UBR3: variants seen among roughly 807,000 people sequenced by gnomAD.
UBR3 encodes ubiquitin protein ligase E3 component n-recognin 3.
In UBR3, 85 loss-of-function variants were observed where a neutral mutation model predicts 243.2. That is an observed-to-expected ratio of 0.35 (90% CI 0.29 to 0.42). The LOEUF (loss-of-function observed/expected upper bound fraction) is 0.42, where lower values mean the gene tolerates loss of function less well. UBR3 is among the 10% of genes least tolerant of loss of function. UBR3 has a pLI of 1.00. For synonymous variants in UBR3, 748 were observed against 799.8 expected (o/e 0.94, Z 1.09); for missense variants, 1,686 against 2,300.8 (o/e 0.73, Z 5.47).
chr2:169,846,474 G>A (rs1333651241), intron 1 of UBR3, among the ~76,000 whole-genome samples: 1 of 152,110 alleles, frequency 6.6e-6, no homozygotes, highest in Non-Finnish European at 1.5e-5. Flanking sequence ...CACTTTGGGA[G>A]GCCAAGGTGG....
At chr2:169,944,683 CTT>C (rs60784053) in intron 20 of UBR3, among the ~76,000 whole-genome samples, 2 of 144,532 alleles carry the variant, frequency 1.4e-5, no homozygotes. Flanking sequence ...ATTTTTATTT[CTT>C]TTTTTTTTTT....
chr2:170,050,264 T>A (rs1232623898), intron 32 of UBR3, among the ~76,000 whole-genome samples: 1 of 151,976 alleles, frequency 6.6e-6, no homozygotes, highest in Non-Finnish European at 1.5e-5. Context: ...TTGGAGAGGG[T>A]CAGAGCACAT....
At position 170,019,378 on chromosome 2, in the gene UBR3, G is replaced by A. The variant is rs1025004535; in HGVS notation, c.4453+4012G>A. ...TACTTGCTCAAAGAGTGAATTTTTGGTGAATTTAAAATTACAGAAAATTAG... is the reference window on the plus strand; with the variant it reads ...TACTTGCTCAAAGAGTGAATTTTTGATGAATTTAAAATTACAGAAAATTAG... On this transcript the variant is annotated intron_variant, in intron 30 of 38. Coordinates refer to ENST00000272793, the MANE Select transcript of UBR3 (RefSeq NM_172070.4). Among the ~76,000 whole-genome samples the A allele has an allele frequency of 1.6e-4, 25 of 152,134 alleles. 1 individual carries two copies. The highest frequency in any genetic ancestry group is 1.6e-3 in the Admixed American group (25 of 15,270).
intron 27 of UBR3, 83 bp downstream of exon 27, chr2:170,001,497 CA>C: frequency 1.3e-6 from 1 of 776,192 alleles, no homozygotes; most frequent in Non-Finnish European, 2.2e-6. Context: ...ATCCCAATTC[CA>C]GCTCATCTTT....
Position 169,950,033 on chromosome 2 carries a change from A to C in UBR3, c.3513A>C (p.Ala1171=). 6.3e-7 allele frequency: 1 copy of C among 1,576,288 alleles called. No individual in the cohort carries two copies. Among genetic ancestry groups the C allele is most frequent in the South Asian group, 1.2e-5 (1 of 84,988 alleles). The change falls in exon 23 of 39, where the codon GCA becomes GCC. Residue 1171 remains alanine, a synonymous_variant. Transcript: ENST00000272793. ...CTGTACCACCTAAAAAAGTCACTGC[A>C]GCAGAGAAGAAAACATTGGACAAAG... The part of the protein sequence containing the change: ...TPPVPPKKVT[A]AEKKTLDKEE...
chr2:169,913,766 T>TGGG (rs141610119), intron 10 of UBR3, among the ~76,000 whole-genome samples: 27 of 151,480 alleles, frequency 1.8e-4, no homozygotes, highest in African/African-American at 6.5e-4. Flanking sequence ...TATAATAAAT[T>TGGG]GGGGGGGGTG....
At chr2:169,850,425 C>G (rs189965413) in intron 1 of UBR3, among the ~76,000 whole-genome samples, 1 of 152,144 alleles carries the variant, frequency 6.6e-6, no homozygotes, top group Admixed American at 6.5e-5. Context: ...GGGATCCTCC[C>G]GTCTCCTCCT....
At chr2:170,070,246 GA>G (rs1185719267) in intron 35 of UBR3, among the ~76,000 whole-genome samples, 21 of 152,218 alleles carry the variant, frequency 1.4e-4, no homozygotes, top group African/African-American at 3.4e-4. Flanking sequence ...AAATGGGGGG[GA>G]AACCATATGA....
At chr2:169,842,450 C>T (rs1282476106) in intron 1 of UBR3, among the ~76,000 whole-genome samples, 5 of 151,976 alleles carry the variant, frequency 3.3e-5, no homozygotes, top group Non-Finnish European at 5.9e-5. Context: ...ATTGGCAACC[C>T]TCTCGGGTCC....
Position 169,827,739 on chromosome 2 carries a change from G to A in UBR3, c.232G>A (p.Gly78Arg), listed in dbSNP as rs1254908590. ...AAGGEDAAAA[G>R]GGGGPGAAEE... ...CGGCGGCGAGGACGCGGCGGCGGCC[G>A]GAGGCGGGGGCGGTCCGGGGGCGGC... The change falls in exon 1 of 39, where the codon GGA (glycine) becomes AGA (arginine). Residue 78 changes from glycine (G) to arginine (R), a missense_variant. Transcript: ENST00000272793. 3.2e-6 allele frequency: 4 copies of A among 1,239,748 alleles called. No individual in the cohort carries two copies. In the African/African-American group the frequency reaches 4.7e-5, roughly 15 times the overall value. 76.8% of individuals were successfully genotyped at this position (1,239,748 alleles called of 1,614,324 possible). A position where few individuals can be genotyped will look rare whatever the true frequency, so the allele number is the denominator to read the frequency against.
At chr2:170,001,927 AAAAAAAAAAAAAAAAG>A (rs2089720352) in intron 27 of UBR3, among the ~76,000 whole-genome samples, 1 of 148,644 alleles carries the variant, frequency 6.7e-6, no homozygotes, top group Non-Finnish European at 1.5e-5. Context: ...AAAAAAAAAA[AAAAAAAAAAAAAAAAG>A]AAAGAAAAAT....
chr2:169,892,174 A>T (rs1412271762), intron 6 of UBR3, among the ~76,000 whole-genome samples: 1 of 152,158 alleles, frequency 6.6e-6, no homozygotes, highest in Non-Finnish European at 1.5e-5. Context: ...AGGAAAGGGT[A>T]TGGAATTTGA....
intron 2 of UBR3, among the ~76,000 whole-genome samples, chr2:169,873,933 A>G (rs552770577): frequency 3.9e-5 from 6 of 152,298 alleles, no homozygotes; most frequent in African/African-American, 1.4e-4. Context: ...CATTAGTTTA[A>G]TGAAAGAGTA....
At chr2:169,848,245 C>T (rs540160091) in intron 1 of UBR3, among the ~76,000 whole-genome samples, 13 of 150,866 alleles carry the variant, frequency 8.6e-5, no homozygotes, top group African/African-American at 2.2e-4. Context: ...GTTAACCCAA[C>T]GACCTGGTTA....
intron 1 of UBR3, among the ~76,000 whole-genome samples, chr2:169,868,305 T>C (rs984546435): frequency 2.0e-5 from 3 of 152,224 alleles, no homozygotes; most frequent in Non-Finnish European, 4.4e-5. Flanking sequence ...TGTAAATCCC[T>C]GTCTCTGTCT....
chr2:169,833,990 G>A (rs147708569), intron 1 of UBR3, among the ~76,000 whole-genome samples: 1,768 of 152,226 alleles, frequency 0.012, 50 homozygotes, highest in African/African-American at 0.039. Flanking sequence ...ATTTCACCAT[G>A]TTGGCCAGGC....
intron 29 of UBR3, 106 bp from the exon 30 acceptor site, chr2:170,015,175 A>G (rs1399759181): frequency 7.6e-6 from 7 of 915,582 alleles, no homozygotes; most frequent in Non-Finnish European, 1.1e-5. Flanking sequence ...TTTGCAAAAA[A>G]TAAAGTTGAA....
chr2:169,901,079 T>C (rs570420532), intron 8 of UBR3, among the ~76,000 whole-genome samples: 6 of 152,328 alleles, frequency 3.9e-5, no homozygotes, highest in Non-Finnish European at 4.4e-5. Context: ...CTGTTGATTC[T>C]CTTTCTGTGG....
Position 169,924,065 on chromosome 2 carries a change from T to C in UBR3, c.1933-19T>C, listed in dbSNP as rs2085809601. The C allele has an allele frequency of 6.5e-7, 1 of 1,530,752 alleles. No homozygotes were observed. The highest frequency in any genetic ancestry group is 1.4e-5 in the African/African-American group (1 of 71,704). The allele number at this position is 1,530,752 out of a possible 1,614,324, so 94.8% of individuals were successfully genotyped here. On this transcript the variant is annotated intron_variant, in intron 12 of 38. Transcript: ENST00000272793. ...AGAAATAAGAATTGAATTAGTAACTTTTTTATTGTAATTTTTAGGCTGTGA... is the reference window on the plus strand; with the variant it reads ...AGAAATAAGAATTGAATTAGTAACTCTTTTATTGTAATTTTTAGGCTGTGA...
Sources: gnomAD v4.1 joint callset for allele counts (sites outside exome capture counted in the v4.1 genomes callset) on GRCh38, gnomAD v4.1.1 for gene constraint, MANE v1.5 for transcripts, NCBI Gene and HGNC (gene_info 2026-07-23, HGNC 2026-07-21) for gene names.